STAT4: variants seen among roughly 807,000 people sequenced by gnomAD.
STAT4 encodes signal transducer and activator of transcription 4.
In STAT4, 42 loss-of-function variants were observed where a neutral mutation model predicts 110.5. The observed-to-expected ratio is 0.38, with a 90% CI of 0.30 to 0.49. The LOEUF (loss-of-function observed/expected upper bound fraction) is 0.49. STAT4 is among the 20% of genes least tolerant of loss of function. The pLI is 0.95. For missense variants in STAT4, 632 were observed against 887.9 expected, an observed-to-expected ratio of 0.71 and a Z score of 3.66; for synonymous variants, 284 against 302.2, an observed-to-expected ratio of 0.94 and a Z score of 0.63.
rs1698102672 is a variant in STAT4 at position 191,099,664 on chromosome 2, CT to C, written c.274-23340del. Among the ~76,000 whole-genome samples the C allele has an allele frequency of 6.6e-6, 1 of 152,052 alleles. No homozygotes were observed. Among genetic ancestry groups the C allele is most frequent in the Non-Finnish European group, 1.5e-5 (1 of 67,968 alleles). On this transcript the variant is annotated intron_variant, in intron 3 of 23. Coordinates refer to ENST00000392320, the MANE Select transcript of STAT4 (RefSeq NM_003151.4). The surrounding 1 kb of genome is among the most constrained non-coding windows in gnomAD (Gnocchi z 4.1). ...TTTTAAAAATATCCACAAATTATAT[CT>C]TTTCCATTTTTTTCCATTTTTATTT...
rs935258029 is a variant in STAT4 at position 191,116,373 on chromosome 2, T to C, written c.273+30240A>G. Among the ~76,000 whole-genome samples, 2 of 152,206 alleles carry C rather than the reference T, an allele frequency of 1.3e-5. No homozygotes were observed. The highest frequency in any genetic ancestry group is 2.9e-5 in the Non-Finnish European group (2 of 68,038). ...TGCAATTACTTTGCAAGCTAAAATT[T>C]AGATAAAGAAGAATCAGCCTAGTTA... On this transcript the variant is annotated intron_variant, in intron 3 of 23. Coordinates refer to ENST00000392320, the MANE Select transcript of STAT4 (RefSeq NM_003151.4). This position sits in a 1 kb window ranked among gnomAD's most constrained non-coding sequence, Gnocchi z 4.1.
In STAT4 at chr2:191,144,330, T is replaced by C. The variant is rs558764328; in HGVS notation, c.273+2283A>G. On this transcript the variant is annotated intron_variant, in intron 3 of 23. Coordinates refer to ENST00000392320, the MANE Select transcript of STAT4 (RefSeq NM_003151.4). This position sits in a 1 kb window ranked among gnomAD's most constrained non-coding sequence, Gnocchi z 4.7. ...TTTTCTTGTTGCACTGGAACCTACA[T>C]AGATTCTTTAGGGATGGATGGGAAC... 1.3e-5 allele frequency among the ~76,000 whole-genome samples: 2 copies of C among 152,098 alleles called. No individual in the cohort carries two copies. The highest frequency in any genetic ancestry group is 2.4e-5 in the African/African-American group (1 of 41,412).
chr2:191,126,356 A>G (rs182189460), intron 3 of STAT4, among the ~76,000 whole-genome samples: 73 of 152,344 alleles, frequency 4.8e-4, no homozygotes, highest in Non-Finnish European at 8.4e-4. Flanking sequence ...TCTCCATGAA[A>G]TGGGGACAAA....
rs1696070816 is a variant in STAT4, at chr2:191,037,285, C to T, written c.1435-986G>A. 6.6e-6 allele frequency among the ~76,000 whole-genome samples: 1 copy of T among 152,018 alleles called. No homozygotes were observed. Among genetic ancestry groups the T allele is most frequent in the Non-Finnish European group, 1.5e-5 (1 of 67,998 alleles). On this transcript the variant is annotated intron_variant, in intron 16 of 23. Coordinates refer to ENST00000392320, the MANE Select transcript of STAT4 (RefSeq NM_003151.4). This position sits in a 1 kb window ranked among gnomAD's most constrained non-coding sequence, Gnocchi z 4.8. ...TAACCTCAAATACCTATTTTATGGA[C>T]ACCATAGTAGTCTTTTCTTATTTGC...
At chr2:191,041,711 T>C (rs1273396165) in intron 14 of STAT4, 1 of 151,690 alleles carries the variant, frequency 6.6e-6, no homozygotes, top group Non-Finnish European at 1.5e-5. Context: ...TAGGGGAGTG[T>C]AGAGTAAGGG....
rs1367801327 is a variant in STAT4, at chr2:191,138,063, G to A, written c.273+8550C>T. ...CAGCAAAGGAAACAATCAGCAGAGT[G>A]AAGAGACAATCTGCTGAATGGGAGA... On this transcript the variant is annotated intron_variant, in intron 3 of 23. Transcript: ENST00000392320. The surrounding 1 kb of genome is among the most constrained non-coding windows in gnomAD (Gnocchi z 4.3). Among the ~76,000 whole-genome samples the A allele has an allele frequency of 6.6e-6, 1 of 152,140 alleles. No individual in the cohort carries two copies. The highest frequency in any genetic ancestry group is 1.5e-5 in the Non-Finnish European group (1 of 68,012).
Position 191,035,107 on chromosome 2 carries a change from T to A in STAT4, c.1571-510A>T, listed in dbSNP as rs1314975348. 6.6e-6 allele frequency among the ~76,000 whole-genome samples: 1 copy of A among 152,218 alleles called. No homozygotes were observed. The highest frequency in any genetic ancestry group is 1.5e-5 in the Non-Finnish European group (1 of 68,028). Reference sequence around the variant, plus strand: ...AGATAGTAGCCATTGGCTGTTTTGATCCAGAGCAGTGAAAGGATGCAAGAG... The same window carrying A: ...AGATAGTAGCCATTGGCTGTTTTGAACCAGAGCAGTGAAAGGATGCAAGAG... On this transcript the variant is annotated intron_variant, in intron 17 of 23. Transcript: ENST00000392320. The surrounding 1 kb of genome is among the most constrained non-coding windows in gnomAD (Gnocchi z 4.7).
intron 3 of STAT4, among the ~76,000 whole-genome samples, chr2:191,111,022 G>A (rs1450274680): frequency 6.6e-6 from 1 of 152,158 alleles, no homozygotes; most frequent in African/African-American, 2.4e-5. Context: ...CTGAGCTCAG[G>A]TGATCCACTT....
intron 3 of STAT4, among the ~76,000 whole-genome samples, chr2:191,141,444 GTATATCACATATATACATATGTATA>G (rs1559085647): frequency 1.2e-3 from 38 of 32,306 alleles, no homozygotes; most frequent in Admixed American, 2.6e-3. Flanking sequence ...ATATACATAT[GTATATCACATATATACATATGTATA>G]TCACATACAT....
rs1405872272 is a variant in STAT4 at position 191,146,649 on chromosome 2, C to T, written c.237G>A (p.Leu79=). The change falls in exon 3 of 24, where the codon TTG becomes TTA. Residue 79 remains leucine (L), a synonymous_variant. Transcript: ENST00000392320. The surrounding 1 kb of genome is among the most constrained non-coding windows in gnomAD (Gnocchi z 4.5). ...GRVSKEKNLL[L]IHNLKRIRKV... The stretch of plus-strand genomic sequence containing the variant: ...TCCTAATTCTTTTTAGATTGTGTAT[C>T]AAGAGTAGGTTTTTCTCTTTGGAAA... 3 of 1,584,918 alleles carry T rather than the reference C, an allele frequency of 1.9e-6. No individual in the cohort carries two copies. Among genetic ancestry groups the T allele is most frequent in the Admixed American group, 3.6e-5 (2 of 55,986 alleles).
At chr2:191,054,410 A>G in intron 14 of STAT4, 80 bp downstream of exon 14, 1 of 1,140,854 alleles carries the variant, frequency 8.8e-7, no homozygotes, top group Non-Finnish European at 1.3e-6. Flanking sequence ...TATGAAGTCA[A>G]GCAGTTTAAA....
chr2:191,083,494 C>T lies in STAT4; in HGVS notation c.274-7169G>A, dbSNP rs1478805120. On this transcript the variant is annotated intron_variant, in intron 3 of 23. Transcript: ENST00000392320. This position sits in a 1 kb window ranked among gnomAD's most constrained non-coding sequence, Gnocchi z 4.6. ...CAGCCCCACCTCTGCTGTACCAGCT[C>T]TTCTCCTAACCCCAATTTGAGAACT... Among the ~76,000 whole-genome samples, 2 of 152,184 alleles carry T rather than the reference C, an allele frequency of 1.3e-5. No individual in the cohort carries two copies. The highest frequency in any genetic ancestry group is 4.8e-5 in the African/African-American group (2 of 41,432).
rs1289385173 is a variant in STAT4, at chr2:191,050,700, G to A, written c.1251+3790C>T. The stretch of plus-strand genomic sequence containing the variant: ...CCTTGATAGAAACAGGCATGAGGGA[G>A]CCAGAGCTCCACATTTCCCCAACCC... On this transcript the variant is annotated intron_variant, in intron 14 of 23. Coordinates refer to ENST00000392320, the MANE Select transcript of STAT4 (RefSeq NM_003151.4). The surrounding 1 kb of genome is among the most constrained non-coding windows in gnomAD (Gnocchi z 4.3). Among the ~76,000 whole-genome samples the A allele has an allele frequency of 6.6e-6, 1 of 152,048 alleles. No individual in the cohort carries two copies. Among genetic ancestry groups the A allele is most frequent in the African/African-American group, 2.4e-5 (1 of 41,386 alleles).
intron 3 of STAT4, among the ~76,000 whole-genome samples, chr2:191,105,791 C>T (rs540830370): frequency 5.7e-4 from 87 of 152,336 alleles, no homozygotes; most frequent in African/African-American, 2.0e-3. Flanking sequence ...CTGGCTTGGT[C>T]AGATGAACCT....
intron 3 of STAT4, among the ~76,000 whole-genome samples, chr2:191,134,571 A>G (rs1330025798): frequency 6.6e-6 from 1 of 152,230 alleles, no homozygotes; most frequent in Non-Finnish European, 1.5e-5. Context: ...CAAGGAAATC[A>G]TAGACACCAC....
At position 191,033,774 on chromosome 2, in the gene STAT4, C is replaced by A; in HGVS notation, c.1715+137G>T. 7.5e-7 allele frequency: 1 copy of A among 1,335,358 alleles called. No individual in the cohort carries two copies. 82.7% of individuals were successfully genotyped at this position (1,335,358 alleles called of 1,614,324 possible). ...ATAGATTAATATACATAGTGCCACTCCACAAAGAATAAGAAATTGCAACTA... is the reference window on the plus strand; with the variant it reads ...ATAGATTAATATACATAGTGCCACTACACAAAGAATAAGAAATTGCAACTA... On this transcript the variant is annotated intron_variant, in intron 19 of 23. Transcript: ENST00000392320. The surrounding 1 kb of genome is among the most constrained non-coding windows in gnomAD (Gnocchi z 6.9).
intron 3 of STAT4, among the ~76,000 whole-genome samples, chr2:191,126,716 T>C (rs753336022): frequency 6.6e-6 from 1 of 152,242 alleles, no homozygotes; most frequent in Non-Finnish European, 1.5e-5. Flanking sequence ...TGTCAGCTCC[T>C]GGACAGATTG....
intron 16 of STAT4, among the ~76,000 whole-genome samples, chr2:191,038,625 GA>G (rs551634053): frequency 6.6e-6 from 1 of 152,154 alleles, no homozygotes; most frequent in Non-Finnish European, 1.5e-5. Context: ...TGTCTTATAA[GA>G]AGAACACCTA....
chr2:191,058,300 T>C lies in STAT4; in HGVS notation c.1095-81A>G, dbSNP rs1818625. 0.72 allele frequency: 956,228 copies of C among 1,336,026 alleles called. 351,351 individuals carry two copies. The highest frequency in any genetic ancestry group is 0.76 in the Non-Finnish European group (738,352 of 969,978). The allele number at this position is 1,336,026 out of a possible 1,614,324, so 82.8% of individuals were successfully genotyped here. ...TTTCTATGATAGTTTATTTTATTTA[T>C]TTATTTATTTATTTTGAGACAGAGT... On this transcript the variant is annotated intron_variant, in intron 11 of 23. Transcript: ENST00000392320. The surrounding 1 kb of genome is among the most constrained non-coding windows in gnomAD (Gnocchi z 4.3).
Sources: allele counts gnomAD v4.1 joint callset (sites outside exome capture counted in the v4.1 genomes callset), GRCh38; gene constraint gnomAD v4.1.1; non-coding constraint Gnocchi (gnomAD v3.1); transcripts MANE v1.5; gene names NCBI Gene and HGNC (gene_info 2026-07-23, HGNC 2026-07-21).